Variants in DHRSX observed in about 807,000 individuals in gnomAD.
DHRSX encodes dehydrogenase/reductase X-linked, also known as polyprenol dehydrogenase.
A neutral mutation model predicts 34.0 loss-of-function variants in DHRSX; 31 were observed. The ratio of observed to expected loss-of-function variants is 0.91; its 90% confidence interval spans 0.69 to 1.23. The LOEUF (loss-of-function observed/expected upper bound fraction) is 1.23. Among genes scored for constraint, DHRSX ranks in the 50% most tolerant of loss-of-function variants. DHRSX has a pLI of 0.00. For missense variants in DHRSX, 414 were observed against 428.1 expected, an observed-to-expected ratio of 0.97 and a Z score of 0.29; for synonymous variants, 201 against 183.8, an observed-to-expected ratio of 1.09 and a Z score of -0.76.
chrX:2,479,901 G>A (rs2044743686), intron 1 of DHRSX, among the ~76,000 whole-genome samples: 1 of 152,212 alleles, frequency 6.6e-6, no homozygotes, highest in South Asian at 2.1e-4. Flanking sequence ...CTAAGCATGT[G>A]GCCAAGGGAC....
intron 6 of DHRSX, among the ~76,000 whole-genome samples, chrX:2,229,955 C>T: frequency 6.6e-6 from 1 of 151,836 alleles, no homozygotes; most frequent in East Asian, 1.9e-4. Context: ...GTGCATGTGT[C>T]GATAGGAATA....
intron 3 of DHRSX, among the ~76,000 whole-genome samples, chrX:2,391,346 G>C (rs2043333348): frequency 6.6e-6 from 1 of 152,174 alleles, no homozygotes; most frequent in Non-Finnish European, 1.5e-5. Context: ...CTTCAAGACA[G>C]AATACAAGTG....
At chrX:2,325,450 A>C (rs2042373166) in intron 3 of DHRSX, among the ~76,000 whole-genome samples, 1 of 152,206 alleles carries the variant, frequency 6.6e-6, no homozygotes, top group African/African-American at 2.4e-5. Flanking sequence ...TAGAGACTAG[A>C]CACGTTCAAG....
At chrX:2,245,457 C>T (rs1173097350) in intron 5 of DHRSX, among the ~76,000 whole-genome samples, 12 of 151,704 alleles carry the variant, frequency 7.9e-5, no homozygotes, top group South Asian at 4.2e-4. Flanking sequence ...TACCAGCGCC[C>T]GCCACCACGC....
At chrX:2,313,008 T>TA (rs1569486989) in intron 3 of DHRSX, among the ~76,000 whole-genome samples, 234 of 126,208 alleles carry the variant, frequency 1.9e-3, no homozygotes, top group African/African-American at 8.1e-3. Flanking sequence ...AGATATATAT[T>TA]TTTTTTTTTT....
intron 3 of DHRSX, among the ~76,000 whole-genome samples, chrX:2,382,573 TCAC>T (rs2043216202): frequency 2.7e-4 from 10 of 36,584 alleles, no homozygotes; most frequent in South Asian, 8.4e-4. Flanking sequence ...ATCATCATCA[TCAC>T]CATCACCATC....
chrX:2,433,061 T>C (rs1487259944), intron 1 of DHRSX, among the ~76,000 whole-genome samples: 1 of 151,922 alleles, frequency 6.6e-6, no homozygotes, highest in South Asian at 2.1e-4. Context: ...GGGATGGAGG[T>C]TGCAGTGAGC....
chrX:2,298,600 GTACACACA>G (rs968369131), intron 3 of DHRSX, among the ~76,000 whole-genome samples: 9 of 45,306 alleles, frequency 2.0e-4, no homozygotes, highest in African/African-American at 3.6e-4. Context: ...AGGCGCGTGT[GTACACACA>G]CACACACACA....
intron 2 of DHRSX, among the ~76,000 whole-genome samples, chrX:2,423,205 G>C (rs2043802951): frequency 6.6e-6 from 1 of 150,610 alleles, no homozygotes; most frequent in African/African-American, 2.4e-5. Flanking sequence ...GTGAGGTCAG[G>C]AGTTCAAGAC....
At chrX:2,485,239 G>A (rs2044858556) in intron 1 of DHRSX, among the ~76,000 whole-genome samples, 3 of 152,086 alleles carry the variant, frequency 2.0e-5, no homozygotes, top group Admixed American at 6.5e-5. Context: ...ACTCCTAATG[G>A]GAAAAACGTG....
chrX:2,356,848 A>G (rs1210054126), intron 3 of DHRSX, among the ~76,000 whole-genome samples: 4 of 152,366 alleles, frequency 2.6e-5, no homozygotes, highest in Admixed American at 6.5e-5. Context: ...TATGCAATAC[A>G]TAGAACATAG....
At chrX:2,407,228 T>A (rs1252774453) in intron 3 of DHRSX, among the ~76,000 whole-genome samples, 3 of 152,176 alleles carry the variant, frequency 2.0e-5, no homozygotes, top group African/African-American at 7.2e-5. Flanking sequence ...TCGCAGACTT[T>A]GGCTGAGCGA....
At chrX:2,239,287 T>C (rs1435043364) in intron 6 of DHRSX, among the ~76,000 whole-genome samples, 1 of 151,826 alleles carries the variant, frequency 6.6e-6, no homozygotes, top group African/African-American at 2.4e-5. Flanking sequence ...TCCCAGCACT[T>C]TGGGAGGCAG....
intron 6 of DHRSX, among the ~76,000 whole-genome samples, chrX:2,224,336 TC>T (rs1208372216): frequency 3.3e-5 from 5 of 152,198 alleles, no homozygotes; most frequent in African/African-American, 1.2e-4. Context: ...TCTTTGTGGT[TC>T]CCCTGTGGGC....
intron 3 of DHRSX, among the ~76,000 whole-genome samples, chrX:2,309,725 T>C (rs1464243639): frequency 6.6e-6 from 1 of 152,004 alleles, no homozygotes; most frequent in Non-Finnish European, 1.5e-5. Flanking sequence ...CTGGGCAACA[T>C]AGCAAGACCC....
chrX:2,399,858 C>A (rs1355188134), intron 3 of DHRSX, among the ~76,000 whole-genome samples: 4 of 151,194 alleles, frequency 2.6e-5, no homozygotes, highest in Admixed American at 2.0e-4. Flanking sequence ...CATAATGAGA[C>A]CCCGTCTCTA....
At chrX:2,223,177 G>A (rs2015559698) in intron 6 of DHRSX, among the ~76,000 whole-genome samples, 1 of 152,120 alleles carries the variant, frequency 6.6e-6, no homozygotes, top group Non-Finnish European at 1.5e-5. Flanking sequence ...ATGTGTCAAG[G>A]GAGGGAGCCA....
chrX:2,310,488 C>T (rs897170312), intron 3 of DHRSX, among the ~76,000 whole-genome samples: 2 of 151,682 alleles, frequency 1.3e-5, no homozygotes, highest in African/African-American at 2.4e-5. Flanking sequence ...ATCCATCTGC[C>T]CCTAAGACCT....
At chrX:2,325,102 A>G in intron 3 of DHRSX, among the ~76,000 whole-genome samples, 1 of 152,012 alleles carries the variant, frequency 6.6e-6, no homozygotes, top group Non-Finnish European at 1.5e-5. Context: ...AAGCAGCCCC[A>G]AGTCATTTTC....
Sources: allele counts gnomAD v4.1 joint callset (sites outside exome capture counted in the v4.1 genomes callset), GRCh38; gene constraint gnomAD v4.1.1; transcripts MANE v1.5; gene names NCBI Gene and HGNC (gene_info 2026-07-23, HGNC 2026-07-21).